The following MMP15 variants were observed in gnomAD, a reference collection of about 807,000 sequenced individuals.
MMP15 encodes matrix metalloproteinase-15.
In MMP15, 36 loss-of-function variants were observed where a neutral mutation model predicts 65.0. That is an observed-to-expected ratio of 0.55 (90% CI 0.42 to 0.73). MMP15 has a LOEUF of 0.73. Ranked by LOEUF, MMP15 falls within the 30% of genes least tolerant of loss-of-function variation. The pLI is 0.00. For synonymous variants in MMP15, 428 were observed against 410.2 expected (o/e 1.04, Z -0.52); for missense variants, 870 against 987.8 (o/e 0.88, Z 1.60).
At chr16:58,040,358 G>A (rs962264176) in intron 4 of MMP15, among the ~76,000 whole-genome samples, 176 bp downstream of exon 4, 2 of 152,336 alleles carry the variant, frequency 1.3e-5, no homozygotes, top group Non-Finnish European at 1.5e-5. Flanking sequence ...AAGGGGAGGC[G>A]AGAAAGGATG....
chr16:58,036,338 C>T (rs1217455838), intron 1 of MMP15, among the ~76,000 whole-genome samples: 2 of 152,222 alleles, frequency 1.3e-5, no homozygotes, highest in African/African-American at 4.8e-5. Context: ...CTTGGCCGTG[C>T]AACCTGTGGG....
intron 9 of MMP15, 75 bp from the exon 10 acceptor site, chr16:58,044,932 A>G (rs1597067699): frequency 6.6e-7 from 1 of 1,520,498 alleles, no homozygotes; most frequent in East Asian, 2.3e-5. Context: ...AGCCCTCAGC[A>G]TGTCCTGGCC....
intron 7 of MMP15, 37 bp from the exon 8 acceptor site, chr16:58,043,173 A>T: frequency 6.5e-7 from 1 of 1,529,846 alleles, no homozygotes; most frequent in African/African-American, 1.4e-5. Context: ...CCTCAGCCCC[A>T]GGCCTGACCT....
At chr16:58,035,890 G>A (rs1258235435) in intron 1 of MMP15, among the ~76,000 whole-genome samples, 1 of 152,206 alleles carries the variant, frequency 6.6e-6, no homozygotes, top group African/African-American at 2.4e-5. Context: ...CACTGAGCTG[G>A]CCTGCCCAGC....
Position 58,026,189 on chromosome 16 carries a change from C to G in MMP15, c.-162C>G, listed in dbSNP as rs1597060021. Reference sequence around the variant, plus strand: ...CCTGCCCTGCCCGCTTCTCCTCGGGCTTGGGAATTTGCCGAGGCGACCTAG... The same window carrying G: ...CCTGCCCTGCCCGCTTCTCCTCGGGGTTGGGAATTTGCCGAGGCGACCTAG... On this transcript the variant is annotated 5_prime_UTR_variant, in exon 1 of 10. Coordinates refer to ENST00000219271, the MANE Select transcript of MMP15 (RefSeq NM_002428.4). 2.7e-6 allele frequency: 2 copies of G among 740,650 alleles called. No individual in the cohort carries two copies. Among genetic ancestry groups the G allele is most frequent in the East Asian group, 7.0e-5 (2 of 28,768 alleles). The allele number at this position is 740,650 out of a possible 1,614,324, so 45.9% of individuals were successfully genotyped here.
Position 58,040,041 on chromosome 16 carries a change from T to C in MMP15, c.607T>C (p.Ser203Pro), listed in dbSNP as rs1959418187. ...GGCCGACATCATGGTACTCTTTGCC[T>C]CTGGCTTCCACGGCGACAGCTCGCC... is the stretch of plus-strand genomic sequence containing the variant. ...KEADIMVLFA[S>P]GFHGDSSPFD... is the part of the protein sequence containing the mutation. Residue 203 changes from serine to proline, a missense_variant, in exon 4 of 10, where the codon TCT (serine) becomes CCT (proline). Ser to Pro is a moderately conservative substitution (Grantham distance 74). Coordinates refer to ENST00000219271, the MANE Select transcript of MMP15 (RefSeq NM_002428.4). The C allele has an allele frequency of 6.2e-7, 1 of 1,614,172 alleles. No homozygotes were observed. Among genetic ancestry groups the C allele is most frequent in the East Asian group, 2.2e-5 (1 of 44,890 alleles).
intron 5 of MMP15, among the ~76,000 whole-genome samples, 169 bp from the exon 6 acceptor site, chr16:58,041,448 G>A (rs996153787): frequency 4.0e-5 from 6 of 151,518 alleles, no homozygotes; most frequent in East Asian, 1.9e-4. Flanking sequence ...GGGGCTAGAA[G>A]GAGGAGGACC....
intron 1 of MMP15, 53 bp from the exon 2 acceptor site, chr16:58,037,419 G>A (rs1959352543): frequency 1.9e-6 from 3 of 1,596,206 alleles, no homozygotes; most frequent in Admixed American, 3.4e-5. Flanking sequence ...GGCTGTGCAT[G>A]TTTGGAGGTA....
Position 58,039,867 on chromosome 16 carries a change from A to G in MMP15, c.441-8A>G, listed in dbSNP as rs762423537. On this transcript the variant is annotated splice_polypyrimidine_tract_variant and splice_region_variant and intron_variant, in intron 3 of 9. Transcript: ENST00000219271. ...GCATCCGCTCACTCATCTCCCACCCACCCCCAGCATCCAGAACTACACGGA... is the reference window on the plus strand; with the variant it reads ...GCATCCGCTCACTCATCTCCCACCCGCCCCCAGCATCCAGAACTACACGGA... The G allele has an allele frequency of 1.9e-6, 3 of 1,586,318 alleles. No individual in the cohort carries two copies. Among genetic ancestry groups the G allele is most frequent in the Non-Finnish European group, 8.6e-7 (1 of 1,161,478 alleles).
intron 5 of MMP15, chr16:58,040,922 C>T (rs1959438880): frequency 4.6e-6 from 3 of 655,090 alleles, no homozygotes; most frequent in Non-Finnish European, 8.1e-6. Flanking sequence ...TGGCTGCAGG[C>T]TAGAGGCCTT....
intron 3 of MMP15, 51 bp downstream of exon 3, chr16:58,038,445 C>T (rs1335315218): frequency 6.2e-7 from 1 of 1,606,456 alleles, no homozygotes; most frequent in South Asian, 1.1e-5. Context: ...CAGGCCGAGC[C>T]TCAGACCTCC....
chr16:58,029,787 G>A (rs570258672), intron 1 of MMP15, among the ~76,000 whole-genome samples: 4 of 152,210 alleles, frequency 2.6e-5, no homozygotes, highest in East Asian at 1.9e-4. Flanking sequence ...GTGGAGAGGA[G>A]CAACATGGAA....
rs749137359 is a variant in MMP15, at chr16:58,039,902, C to CTGG, written c.470_472dup (p.Trp157dup). ...TCCAGAACTACACGGAGAAGTTGGG[C>CTGG]TGGTACCACTCGATGGAGGCGGTGC... is the stretch of plus-strand genomic sequence containing the variant. On this transcript the variant is annotated inframe_insertion, in exon 4 of 10. Transcript: ENST00000219271. 6.2e-7 allele frequency: 1 copy of CTGG among 1,607,606 alleles called. No homozygotes were observed. Among genetic ancestry groups the CTGG allele is most frequent in the Non-Finnish European group, 8.5e-7 (1 of 1,175,200 alleles).
intron 3 of MMP15, among the ~76,000 whole-genome samples, chr16:58,039,502 C>G (rs1959404281): frequency 6.6e-6 from 1 of 152,208 alleles, no homozygotes; most frequent in Non-Finnish European, 1.5e-5. Flanking sequence ...ACTGTTAGAG[C>G]CAGGCCTTGA....
intron 1 of MMP15, among the ~76,000 whole-genome samples, chr16:58,028,654 G>A (rs563861534): frequency 4.6e-5 from 7 of 152,270 alleles, no homozygotes; most frequent in African/African-American, 1.7e-4. Context: ...ACAGCCTCAG[G>A]CCTCCAGTAG....
intron 1 of MMP15, among the ~76,000 whole-genome samples, chr16:58,035,247 G>A (rs1597063489): frequency 6.6e-6 from 1 of 152,370 alleles, no homozygotes; most frequent in East Asian, 1.9e-4. Flanking sequence ...TGCTTGGGAA[G>A]AACAGGGAGG....
At chr16:58,037,749 T>C in intron 2 of MMP15, 129 bp downstream of exon 2, 1 of 1,331,162 alleles carries the variant, frequency 7.5e-7, no homozygotes, top group Non-Finnish European at 1.0e-6. Flanking sequence ...GGTTTGGTCC[T>C]CCATGTCACT....
chr16:58,044,921 A>G (rs1959523501), intron 9 of MMP15, 86 bp from the exon 10 acceptor site: 2 of 1,438,802 alleles, frequency 1.4e-6, no homozygotes, highest in African/African-American at 1.4e-5. Flanking sequence ...GGGTGTTTTG[A>G]AGCCCTCAGC....
rs757335406 is a variant in MMP15, at chr16:58,037,498, G to C, written c.189G>C (p.Leu63=). ...ACTGGCTGCGGCTTTATGGCTACCTGCCTCAGCCCAGCCGCCATATGTCCA... is the reference window on the plus strand; with the variant it reads ...ACTGGCTGCGGCTTTATGGCTACCTCCCTCAGCCCAGCCGCCATATGTCCA... The part of the protein sequence containing the change: ...AENWLRLYGY[L]PQPSRHMSTM... The change falls in exon 2 of 10, where the codon CTG becomes CTC. Residue 63 remains leucine (L), a synonymous_variant. Transcript: ENST00000219271. 3 of 1,613,372 alleles carry C rather than the reference G, an allele frequency of 1.9e-6. No homozygotes were observed. The South Asian group carries it at 3.3e-5, about 18-fold the overall frequency.
Sources: gnomAD v4.1 joint callset for allele counts (sites outside exome capture counted in the v4.1 genomes callset) on GRCh38, gnomAD v4.1.1 for gene constraint, MANE v1.5 for transcripts, NCBI Gene and HGNC (gene_info 2026-07-23, HGNC 2026-07-21) for gene names.